Variants in SYNCRIP observed in about 807,000 individuals in gnomAD.
The protein encoded by SYNCRIP is heterogeneous nuclear ribonucleoprotein Q.
Under a neutral mutation model 68.9 loss-of-function variants are expected in SYNCRIP, and 9 were observed. That is an observed-to-expected ratio of 0.13 (90% CI 0.08 to 0.23). The LOEUF is 0.23. Ranked by LOEUF, SYNCRIP falls within the 10% of genes least tolerant of loss-of-function variation. The pLI, the probability that SYNCRIP is intolerant of heterozygous loss-of-function variation, is 1.00. For missense variants in SYNCRIP, 414 were observed against 770.6 expected (o/e 0.54, Z 5.48); for synonymous variants, 258 against 254.0 (o/e 1.02, Z -0.15).
At chr6:85,639,851 A>AC (rs975306987) in intron 4 of SYNCRIP, among the ~76,000 whole-genome samples, 1 of 152,142 alleles carries the variant, frequency 6.6e-6, no homozygotes, top group Admixed American at 6.5e-5. Context: ...TTCTAAATTC[A>AC]TTGGGGTTTG....
chr6:85,616,288 T>C (rs535170872), intron 10 of SYNCRIP, among the ~76,000 whole-genome samples: 72 of 152,288 alleles, frequency 4.7e-4, no homozygotes, highest in Non-Finnish European at 9.9e-4. Flanking sequence ...GAAGGAATAA[T>C]TTACTCGTGT....
chr6:85,630,100 G>A (rs534575760), intron 6 of SYNCRIP, among the ~76,000 whole-genome samples: 3 of 152,208 alleles, frequency 2.0e-5, no homozygotes, highest in Non-Finnish European at 4.4e-5. Context: ...TGTGGCTCAC[G>A]TCTGTAATCC....
chr6:85,639,536 C>T (rs1034010201), intron 4 of SYNCRIP, among the ~76,000 whole-genome samples: 2 of 152,158 alleles, frequency 1.3e-5, no homozygotes, highest in Non-Finnish European at 2.9e-5. Flanking sequence ...AGGCCTATAC[C>T]CTTAACTGAT....
chr6:85,634,755 G>A (rs927889983), intron 6 of SYNCRIP, among the ~76,000 whole-genome samples: 1 of 152,046 alleles, frequency 6.6e-6, no homozygotes, highest in Non-Finnish European at 1.5e-5. Flanking sequence ...ATTGCTACTT[G>A]GCAAAAATAT....
rs1450997438 is a variant in SYNCRIP, at chr6:85,636,888, C to CTAA, written c.666+78_666+79insTTA. On this transcript the variant is annotated intron_variant, in intron 6 of 10. Transcript: ENST00000369622. ...AGTACTTCAAAAAATGTTTGGTAAA[C>CTAA]TCTTAGGCACACTAAGAAAAAAACT... is the stretch of plus-strand genomic sequence containing the variant. 5.8e-6 allele frequency: 8 copies of CTAA among 1,388,152 alleles called. No individual in the cohort carries two copies. The African/African-American group carries it at 1.2e-4, about 20-fold the overall frequency. The allele number at this position is 1,388,152 out of a possible 1,614,324, so 86.0% of individuals were successfully genotyped here. A position where few individuals can be genotyped will look rare whatever the true frequency, so the allele number is the denominator to read the frequency against.
chr6:85,619,207 G>A, intron 9 of SYNCRIP, 61 bp downstream of exon 9: 1 of 1,582,796 alleles, frequency 6.3e-7, no homozygotes, highest in Non-Finnish European at 8.6e-7. Flanking sequence ...ACTATTTTGA[G>A]ATTCTAAAAT....
intron 9 of SYNCRIP, 94 bp from the exon 10 acceptor site, chr6:85,619,033 G>A (rs1806091566): frequency 7.5e-7 from 1 of 1,341,814 alleles, no homozygotes. Context: ...AATGTGGGAA[G>A]GACAAGAGAA....
downstream of SYNCRIP, chr6:85,608,123 CATTT>C (rs1804973759): frequency 2.0e-5 from 3 of 152,040 alleles, no homozygotes; most frequent in African/African-American, 7.2e-5. Flanking sequence ...CAGCCTAATA[CATTT>C]ATTCTATTCA....
chr6:85,609,115 G>A (rs893824373), downstream of SYNCRIP: 1 of 151,758 alleles, frequency 6.6e-6, no homozygotes, highest in Non-Finnish European at 1.5e-5. Flanking sequence ...AATTCCTATG[G>A]CCAGATGAAA....
At chr6:85,623,240 A>C (rs1806621074) in intron 7 of SYNCRIP, among the ~76,000 whole-genome samples, 1 of 152,106 alleles carries the variant, frequency 6.6e-6, no homozygotes. Flanking sequence ...ACAGTTCAAA[A>C]AATTTTTTTA....
rs767456824 is a variant in SYNCRIP at position 85,640,331 on chromosome 6, G to A, written c.268-3C>T. On this transcript the variant is annotated splice_region_variant and splice_polypyrimidine_tract_variant and intron_variant, in intron 3 of 10. Coordinates refer to ENST00000369622, the MANE Select transcript of SYNCRIP (RefSeq NM_006372.5). ...CCACATAAAAAGGCACTTTTGTTCT[G>A]CAAAAAAATGTTCCATTAATATTTA... is the stretch of plus-strand genomic sequence containing the variant. The A allele has an allele frequency of 1.2e-6, 2 of 1,609,382 alleles. No individual in the cohort carries two copies. The highest frequency in any genetic ancestry group is 2.2e-5 in the East Asian group (1 of 44,752).
intron 8 of SYNCRIP, among the ~76,000 whole-genome samples, chr6:85,620,062 C>A (rs1239093067): frequency 6.6e-6 from 1 of 152,120 alleles, no homozygotes; most frequent in Non-Finnish European, 1.5e-5. Flanking sequence ...GCCTGGCCAA[C>A]ACAGTAACAC....
At chr6:85,632,261 C>CA (rs1330146456) in intron 6 of SYNCRIP, among the ~76,000 whole-genome samples, 2 of 152,168 alleles carry the variant, frequency 1.3e-5, no homozygotes, top group African/African-American at 4.8e-5. Flanking sequence ...TCCAGACACT[C>CA]AAAAGAGAAA....
rs773886202 is a variant in SYNCRIP at position 85,618,865 on chromosome 6, C to T, written c.1233G>A (p.Gln411=). Residue 411 remains glutamine, a synonymous_variant, in exon 10 of 11, where the codon CAG becomes CAA. Transcript: ENST00000369622. The part of the protein sequence containing the change: ...IEIVFAKPPD[Q]KRKERKAQRQ... Reference sequence around the variant, plus strand: ...TCTGAGCTTTTCTTTCTTTCCTTTTCTGATCTGGTGGCTTGGCAAAAACAA... The same window carrying T: ...TCTGAGCTTTTCTTTCTTTCCTTTTTTGATCTGGTGGCTTGGCAAAAACAA... The T allele has an allele frequency of 6.2e-7, 1 of 1,612,982 alleles. No individual in the cohort carries two copies. The highest frequency in any genetic ancestry group is 1.1e-5 in the South Asian group (1 of 90,892).
intron 6 of SYNCRIP, among the ~76,000 whole-genome samples, chr6:85,624,780 G>A (rs539025881): frequency 6.6e-6 from 1 of 152,302 alleles, no homozygotes; most frequent in Admixed American, 6.5e-5. Flanking sequence ...ACATGTCAAA[G>A]TGACAAATCC....
intron 6 of SYNCRIP, 76 bp downstream of exon 6, chr6:85,636,891 T>C (rs117822024): frequency 0.013 from 18,644 of 1,429,374 alleles, 144 homozygotes; most frequent in Non-Finnish European, 0.015. Flanking sequence ...TGGTAAACTC[T>C]TAGGCACACT....
intron 10 of SYNCRIP, among the ~76,000 whole-genome samples, chr6:85,616,678 G>C (rs888108997): frequency 2.6e-5 from 4 of 152,122 alleles, no homozygotes; most frequent in African/African-American, 9.7e-5. Flanking sequence ...AAAGGCCCCT[G>C]TTCCAACTGA....
At chr6:85,621,919 C>T (rs1388386181) in intron 8 of SYNCRIP, among the ~76,000 whole-genome samples, 4 of 152,098 alleles carry the variant, frequency 2.6e-5, no homozygotes, top group South Asian at 2.1e-4. Flanking sequence ...AGCATGTAGG[C>T]GACTTCATTA....
chr6:85,614,330 G>T lies in SYNCRIP; in HGVS notation c.*426C>A. 1.0e-6 allele frequency: 1 copy of T among 987,588 alleles called. No homozygotes were observed. Among genetic ancestry groups the T allele is most frequent in the Non-Finnish European group, 1.2e-6 (1 of 831,238 alleles). 61.2% of individuals were successfully genotyped at this position (987,588 alleles called of 1,614,324 possible). ...GTTCTAAATTAAAAATAGCAGTTGT[G>T]TATCAATTTACCTTATTCTAGCAAT... On this transcript the variant is annotated 3_prime_UTR_variant, in exon 11 of 11. Coordinates refer to ENST00000369622, the MANE Select transcript of SYNCRIP (RefSeq NM_006372.5).
Sources: allele counts gnomAD v4.1 joint callset (sites outside exome capture counted in the v4.1 genomes callset), GRCh38; gene constraint gnomAD v4.1.1; transcripts MANE v1.5; gene names NCBI Gene and HGNC (gene_info 2026-07-23, HGNC 2026-07-21).